Variants in DLC1 observed in about 807,000 individuals in gnomAD.
DLC1 encodes rho GTPase-activating protein 7.
A neutral mutation model predicts 140.3 loss-of-function variants in DLC1; 54 were observed. The observed-to-expected ratio is 0.38, with a 90% CI of 0.31 to 0.48. DLC1 has a LOEUF of 0.48. Ranked by LOEUF, DLC1 falls within the 20% of genes least tolerant of loss-of-function variation. The pLI, the probability that DLC1 is intolerant of heterozygous loss-of-function variation, is 0.96. For synonymous variants in DLC1, 986 were observed against 728.1 expected (o/e 1.35, Z -5.70); for missense variants, 2,536 against 1,907.0 (o/e 1.33, Z -6.14).
intron 2 of DLC1, among the ~76,000 whole-genome samples, chr8:13,494,433 C>T (rs1279160540): frequency 6.6e-6 from 1 of 152,164 alleles, no homozygotes; most frequent in African/African-American, 2.4e-5. Flanking sequence ...TGCCTGTACA[C>T]AGGGTGCGAT....
intron 2 of DLC1, among the ~76,000 whole-genome samples, chr8:13,474,011 G>A (rs961174910): frequency 1.3e-5 from 2 of 152,180 alleles, no homozygotes; most frequent in African/African-American, 4.8e-5. Context: ...CATAAGTAAC[G>A]AGGAGCCAAA....
intron 5 of DLC1, among the ~76,000 whole-genome samples, chr8:13,286,423 AT>A (rs1831537851): frequency 1.3e-5 from 2 of 152,202 alleles, no homozygotes; most frequent in Admixed American, 1.3e-4. Context: ...GATAAAATGT[AT>A]TTTAATGGTT....
At chr8:13,329,808 G>C (rs1018799533) in intron 4 of DLC1, among the ~76,000 whole-genome samples, 39 of 151,910 alleles carry the variant, frequency 2.6e-4, no homozygotes, top group African/African-American at 7.7e-4. Flanking sequence ...CTTTCTTTTT[G>C]TCCTCTCTAT....
At chr8:13,186,369 C>A (rs7004673) in intron 5 of DLC1, among the ~76,000 whole-genome samples, 1 of 151,822 alleles carries the variant, frequency 6.6e-6, no homozygotes, top group Admixed American at 6.6e-5. Context: ...TTTACTTTCA[C>A]CTTCTCTTCT....
intron 5 of DLC1, among the ~76,000 whole-genome samples, chr8:13,150,705 G>A (rs1585776939): frequency 6.6e-6 from 1 of 152,164 alleles, no homozygotes; most frequent in Non-Finnish European, 1.5e-5. Context: ...TAAAGGACCC[G>A]TGCTTTTCAG....
chr8:13,469,283 C>T (rs1372362980), intron 2 of DLC1, among the ~76,000 whole-genome samples: 1 of 152,146 alleles, frequency 6.6e-6, no homozygotes, highest in South Asian at 2.1e-4. Context: ...GAGATCAATA[C>T]TGCTTTGAAA....
intron 5 of DLC1, among the ~76,000 whole-genome samples, chr8:13,164,978 G>A (rs566725088): frequency 1.1e-4 from 16 of 152,182 alleles, no homozygotes; most frequent in African/African-American, 2.2e-4. Context: ...TTGTAGCCCC[G>A]GATATCAGTG....
intron 5 of DLC1, among the ~76,000 whole-genome samples, chr8:13,228,469 G>A (rs900030116): frequency 1.3e-5 from 2 of 152,148 alleles, no homozygotes; most frequent in East Asian, 3.9e-4. Context: ...AGGGTCAGGC[G>A]TGATGGCTCA....
intron 4 of DLC1, among the ~76,000 whole-genome samples, chr8:13,328,970 A>G (rs1465701283): frequency 6.6e-6 from 1 of 152,204 alleles, no homozygotes; most frequent in African/African-American, 2.4e-5. Flanking sequence ...GGAAATGTGA[A>G]GGGGATGGGA....
chr8:13,217,639 C>T (rs1828267648), intron 5 of DLC1, among the ~76,000 whole-genome samples: 1 of 151,916 alleles, frequency 6.6e-6, no homozygotes, highest in African/African-American at 2.4e-5. Context: ...TCGAGACCAT[C>T]CTGGCTAACA....
In DLC1 at chr8:13,171,847, C is replaced by A. The variant is rs571158821; in HGVS notation, c.1349-56190G>T. Among the ~76,000 whole-genome samples the A allele has an allele frequency of 3.3e-5, 5 of 152,144 alleles. No homozygotes were observed. In the East Asian group the frequency reaches 7.7e-4, roughly 24 times the overall value. On this transcript the variant is annotated intron_variant, in intron 5 of 17. Transcript: ENST00000276297. ...TCAGTGTTTCCAGTGTAGGCAATGC[C>A]CCAGGTGAGGGTCAATTGGAGGGAG...
At chr8:13,326,621 A>G (rs574718513) in intron 4 of DLC1, among the ~76,000 whole-genome samples, 1 of 152,294 alleles carries the variant, frequency 6.6e-6, no homozygotes, top group Admixed American at 6.5e-5. Flanking sequence ...TCTAAGTTGT[A>G]AAACGGTAAA....
At chr8:13,551,710 T>G (rs1803858373) in intron 1 of DLC1, among the ~76,000 whole-genome samples, 1 of 151,834 alleles carries the variant, frequency 6.6e-6, no homozygotes, top group Non-Finnish European at 1.5e-5. Flanking sequence ...CAAACATATG[T>G]ATCTATCAAA....
At chr8:13,191,908 C>G (rs79888503) in intron 5 of DLC1, among the ~76,000 whole-genome samples, 2,554 of 149,448 alleles carry the variant, frequency 0.017, 65 homozygotes, top group African/African-American at 0.06. Context: ...TAAAACTCTG[C>G]TTTAAGGGGA....
chr8:13,427,624 C>A (rs551438781), intron 2 of DLC1, among the ~76,000 whole-genome samples: 5 of 152,262 alleles, frequency 3.3e-5, no homozygotes, highest in African/African-American at 1.2e-4. Context: ...ATTGGTCCCC[C>A]TCTCTCTGTG....
At chr8:13,241,619 A>C (rs745956708) in intron 5 of DLC1, among the ~76,000 whole-genome samples, 3 of 152,160 alleles carry the variant, frequency 2.0e-5, no homozygotes, top group Non-Finnish European at 2.9e-5. Flanking sequence ...CCTGCATCCA[A>C]GTCCTCTAAA....
At chr8:13,159,759 T>G (rs1297059408) in intron 5 of DLC1, among the ~76,000 whole-genome samples, 3 of 151,420 alleles carry the variant, frequency 2.0e-5, no homozygotes, top group Non-Finnish European at 4.4e-5. Context: ...TGCTTGTTCC[T>G]GGGGATGTTC....
intron 5 of DLC1, among the ~76,000 whole-genome samples, chr8:13,264,809 T>A (rs565165889): frequency 3.8e-4 from 58 of 152,326 alleles, no homozygotes; most frequent in African/African-American, 1.3e-3. Flanking sequence ...TTCCAAGTGT[T>A]AACCAAATGA....
chr8:13,576,044 G>A (rs1804825397), intron 1 of DLC1, among the ~76,000 whole-genome samples: 1 of 152,174 alleles, frequency 6.6e-6, no homozygotes, highest in Non-Finnish European at 1.5e-5. Flanking sequence ...GTGCATAGAT[G>A]GAGCCAATTG....
Sources: gnomAD v4.1 joint callset for allele counts (sites outside exome capture counted in the v4.1 genomes callset) on GRCh38, gnomAD v4.1.1 for gene constraint, MANE v1.5 for transcripts, NCBI Gene and HGNC (gene_info 2026-07-23, HGNC 2026-07-21) for gene names.